Variants in EEFSEC observed in about 807,000 individuals in gnomAD.
EEFSEC encodes selenocysteine-specific elongation factor.
A neutral mutation model predicts 42.1 loss-of-function variants in EEFSEC; 43 were observed. The ratio of observed to expected loss-of-function variants is 1.02; its 90% CI spans 0.80 to 1.32. The LOEUF (loss-of-function observed/expected upper bound fraction) is 1.32. Ranked by LOEUF, EEFSEC falls within the 40% of genes most tolerant of loss-of-function variation. The pLI, the probability that EEFSEC is intolerant of heterozygous loss-of-function variation, is 0.00. For missense variants in EEFSEC, 745 were observed against 803.6 expected (o/e 0.93, Z 0.88); for synonymous variants, 354 against 339.1 (o/e 1.04, Z -0.48).
At chr3:128,307,485 G>A (rs764837552) in intron 4 of EEFSEC, among the ~76,000 whole-genome samples, 1 of 152,190 alleles carries the variant, frequency 6.6e-6, no homozygotes, top group Non-Finnish European at 1.5e-5. Context: ...TTAAGGCCTG[G>A]CTCCCACAGG....
rs1374028785 is a variant in EEFSEC, at chr3:128,317,796, C to T, written c.787-23437C>T. Among the ~76,000 whole-genome samples the T allele has an allele frequency of 1.3e-5, 2 of 152,270 alleles. No homozygotes were observed. The highest frequency in any genetic ancestry group is 2.9e-5 in the Non-Finnish European group (2 of 68,044). On this transcript the variant is annotated intron_variant, in intron 4 of 6. Coordinates refer to ENST00000254730, the MANE Select transcript of EEFSEC (RefSeq NM_021937.5). This position sits in a 1 kb window ranked among gnomAD's most constrained non-coding sequence, Gnocchi z 4.1. Reference sequence around the variant, plus strand: ...CAGGCCTCAGGGCCTTTGCCCCCTTCAGCCTTCTGCTCCAGCTGCTCCGTC... The same window carrying T: ...CAGGCCTCAGGGCCTTTGCCCCCTTTAGCCTTCTGCTCCAGCTGCTCCGTC...
chr3:128,397,311 T>A (rs1404408689), intron 6 of EEFSEC, among the ~76,000 whole-genome samples: 2 of 152,204 alleles, frequency 1.3e-5, no homozygotes, highest in African/African-American at 2.4e-5. Flanking sequence ...GACAGCTTTG[T>A]GAAGCTGGGG....
At chr3:128,218,294 C>T (rs1559873104) in intron 1 of EEFSEC, among the ~76,000 whole-genome samples, 2 of 152,290 alleles carry the variant, frequency 1.3e-5, no homozygotes, top group Middle Eastern at 3.4e-3. Flanking sequence ...AGAACTACTC[C>T]GGAAACAGCT....
chr3:128,387,580 G>T (rs1016851420), intron 6 of EEFSEC, among the ~76,000 whole-genome samples: 1 of 152,026 alleles, frequency 6.6e-6, no homozygotes, highest in Non-Finnish European at 1.5e-5. Flanking sequence ...GAATTAAGTC[G>T]GCTGCTGGCC....
chr3:128,415,649 A>G, the EEFSEC span, among the ~76,000 whole-genome samples: 1 of 152,248 alleles, frequency 6.6e-6, no homozygotes, highest in East Asian at 1.9e-4. Flanking sequence ...GCCGGGGCCC[A>G]TGCTCCACTC....
intron 1 of EEFSEC, among the ~76,000 whole-genome samples, chr3:128,223,494 GC>G (rs1426550587): frequency 3.3e-5 from 5 of 152,266 alleles, no homozygotes; most frequent in African/African-American, 1.2e-4. Flanking sequence ...GTACCCTTAA[GC>G]TATGGAGTCT....
At chr3:128,214,491 G>C (rs747921496) in intron 1 of EEFSEC, among the ~76,000 whole-genome samples, 3 of 152,036 alleles carry the variant, frequency 2.0e-5, no homozygotes, top group Admixed American at 6.5e-5. Context: ...TTTGACCTAA[G>C]AAAAATCATT....
intron 1 of EEFSEC, among the ~76,000 whole-genome samples, chr3:128,170,246 G>A (rs1368972202): frequency 1.3e-5 from 2 of 152,128 alleles, no homozygotes; most frequent in Admixed American, 6.6e-5. Flanking sequence ...CTTTCACAAG[G>A]GAACAGTAGT....
chr3:128,246,894 C>T lies in EEFSEC; in HGVS notation c.375C>T (p.Thr125=). The T allele has an allele frequency of 3.1e-6, 5 of 1,614,168 alleles. No homozygotes were observed. Among genetic ancestry groups the T allele is most frequent in the Non-Finnish European group, 4.2e-6 (5 of 1,180,012 alleles). The change falls in exon 2 of 7, where the codon ACC becomes ACT. Residue 125 remains threonine, a synonymous_variant. Transcript: ENST00000254730. ...LVIDVTKGMQ[T]QSAECLVIGQ... Reference sequence around the variant, plus strand: ...TCGATGTGACCAAGGGGATGCAGACCCAGTCAGCGGAATGCCTTGTGATCG... The same window carrying T: ...TCGATGTGACCAAGGGGATGCAGACTCAGTCAGCGGAATGCCTTGTGATCG...
At chr3:128,252,997 C>T (rs2066203478) in intron 2 of EEFSEC, among the ~76,000 whole-genome samples, 1 of 152,166 alleles carries the variant, frequency 6.6e-6, no homozygotes, top group South Asian at 2.1e-4. Context: ...ACTCTACTCC[C>T]CAGGGCTCCA....
intron 4 of EEFSEC, among the ~76,000 whole-genome samples, chr3:128,314,814 G>A (rs913159168): frequency 1.3e-5 from 2 of 152,168 alleles, no homozygotes; most frequent in Non-Finnish European, 2.9e-5. Flanking sequence ...TCCCAGAGGT[G>A]GGGGAGTCAC....
intron 4 of EEFSEC, among the ~76,000 whole-genome samples, chr3:128,289,720 A>G (rs957422264): frequency 1.3e-5 from 2 of 152,062 alleles, no homozygotes; most frequent in Non-Finnish European, 2.9e-5. Context: ...ACTTCTCTGC[A>G]CCGCCCTTCC....
intron 1 of EEFSEC, among the ~76,000 whole-genome samples, chr3:128,180,622 G>A (rs2065395651): frequency 6.6e-6 from 1 of 152,236 alleles, no homozygotes; most frequent in South Asian, 2.1e-4. Context: ...TTACAGATGT[G>A]CAGTGCCATT....
intron 1 of EEFSEC, among the ~76,000 whole-genome samples, chr3:128,160,256 A>G (rs1046283887): frequency 6.6e-6 from 1 of 152,252 alleles, no homozygotes; most frequent in Admixed American, 6.5e-5. Flanking sequence ...TTCTTTGCAC[A>G]AGGGCAAAAG....
intron 6 of EEFSEC, among the ~76,000 whole-genome samples, chr3:128,397,233 C>G (rs932652778): frequency 2.6e-5 from 4 of 152,244 alleles, no homozygotes; most frequent in African/African-American, 4.8e-5. Context: ...TGCTGCCCCC[C>G]ACCCATGGCA....
At chr3:128,160,086 T>G (rs1049802839) in intron 1 of EEFSEC, among the ~76,000 whole-genome samples, 1 of 152,210 alleles carries the variant, frequency 6.6e-6, no homozygotes, top group Non-Finnish European at 1.5e-5. Context: ...CTAGCCAGTT[T>G]TAGTGAGCAG....
intron 6 of EEFSEC, among the ~76,000 whole-genome samples, chr3:128,383,474 A>T (rs1489991259): frequency 6.6e-6 from 1 of 152,166 alleles, no homozygotes; most frequent in South Asian, 2.1e-4. Flanking sequence ...ACCTGTTCCC[A>T]TGTTTCAGAT....
At chr3:128,298,517 C>T (rs916203829) in intron 4 of EEFSEC, among the ~76,000 whole-genome samples, 1 of 152,190 alleles carries the variant, frequency 6.6e-6, no homozygotes, top group Non-Finnish European at 1.5e-5. Context: ...TACATTCATG[C>T]AGTGTGTAAT....
At chr3:128,163,123 A>G (rs780956424) in intron 1 of EEFSEC, among the ~76,000 whole-genome samples, 7 of 152,226 alleles carry the variant, frequency 4.6e-5, no homozygotes, top group Middle Eastern at 3.4e-3. Flanking sequence ...TAAGAGCTCA[A>G]TTCTGTGTCC....
Sources: gnomAD v4.1 joint callset for allele counts (sites outside exome capture counted in the v4.1 genomes callset) on GRCh38, gnomAD v4.1.1 for gene constraint, Gnocchi (gnomAD v3.1) non-coding constraint, MANE v1.5 for transcripts, NCBI Gene and HGNC (gene_info 2026-07-23, HGNC 2026-07-21) for gene names.